Variants in COX16 observed in about 807,000 individuals in gnomAD.
COX16 encodes the protein cytochrome c oxidase assembly factor COX16.
COX16 carries 12 observed loss-of-function variants against 15.4 expected under a neutral mutation model. The ratio of observed to expected loss-of-function variants is 0.78; its 90% confidence interval spans 0.50 to 1.26. The LOEUF (loss-of-function observed/expected upper bound fraction) is 1.26, where lower values mean the gene tolerates loss of function less well. COX16 is among the 50% of genes most tolerant of loss of function. The pLI is 0.00. For missense variants in COX16, 124 were observed against 127.6 expected (o/e 0.97, Z 0.14); for synonymous variants, 46 against 41.1 (o/e 1.12, Z -0.46).
chr14:70,333,459 G>A (rs1886353234), intron 2 of COX16, among the ~76,000 whole-genome samples: 1 of 152,072 alleles, frequency 6.6e-6, no homozygotes, highest in Admixed American at 6.5e-5. Context: ...GCACTACAAA[G>A]CATCAACAGA....
At chr14:70,327,229 C>G (rs2140669703) in intron 3 of COX16, among the ~76,000 whole-genome samples, 1 of 152,262 alleles carries the variant, frequency 6.6e-6, no homozygotes, top group East Asian at 1.9e-4. Context: ...TACCTTGACA[C>G]TTGGATACTA....
intron 1 of COX16, among the ~76,000 whole-genome samples, chr14:70,350,597 C>T (rs1240529483): frequency 6.6e-6 from 1 of 152,202 alleles, no homozygotes; most frequent in Non-Finnish European, 1.5e-5. Context: ...ACTGTCATTG[C>T]ATTTATAAAT....
rs1886050478 is a variant in COX16, at chr14:70,325,823, A to T, written c.*510T>A. On this transcript the variant is annotated 3_prime_UTR_variant, in exon 4 of 4. Coordinates refer to ENST00000389912, the MANE Select transcript of COX16 (RefSeq NM_016468.7). ...TGATGCTTTGGAGACTGATTATCAT[A>T]CTATGTGAGGCATTACAAAGAAAAT... 1 of 152,238 alleles carries T rather than the reference A, an allele frequency of 6.6e-6. No individual in the cohort carries two copies. The highest frequency in any genetic ancestry group is 1.5e-5 in the Non-Finnish European group (1 of 68,064). The allele number at this position is 152,238 out of a possible 1,614,324, so 9.4% of individuals were successfully genotyped here. A position where few individuals can be genotyped will look rare whatever the true frequency, so the allele number is the denominator to read the frequency against.
intron 2 of COX16, among the ~76,000 whole-genome samples, chr14:70,332,677 C>T (rs1052516517): frequency 1.3e-5 from 2 of 152,180 alleles, no homozygotes; most frequent in Admixed American, 6.5e-5. Flanking sequence ...AGTTGAGGAA[C>T]TACCCCACTG....
intron 2 of COX16, among the ~76,000 whole-genome samples, chr14:70,339,857 GT>G (rs1566600849): frequency 6.6e-6 from 1 of 152,040 alleles, no homozygotes; most frequent in Non-Finnish European, 1.5e-5. Context: ...CCTCAACCAT[GT>G]CCTCTCATCT....
chr14:70,340,331 T>C (rs1482888108), intron 2 of COX16, among the ~76,000 whole-genome samples: 1 of 152,180 alleles, frequency 6.6e-6, no homozygotes, highest in African/African-American at 2.4e-5. Flanking sequence ...CTTGTGAAAC[T>C]GTAAGTCAAT....
chr14:70,356,902 A>G (rs1376563193), intron 1 of COX16, among the ~76,000 whole-genome samples: 1 of 152,108 alleles, frequency 6.6e-6, no homozygotes, highest in Admixed American at 6.5e-5. Flanking sequence ...TGGCATTTTT[A>G]ATTTGTCATA....
rs201930554 is a variant in COX16, at chr14:70,329,255, A to G, written c.142-19T>C. 2.0e-4 allele frequency: 321 copies of G among 1,589,758 alleles called. 1 individual carries two copies. In the East Asian group the frequency reaches 3.7e-3, roughly 18 times the overall value. The stretch of plus-strand genomic sequence containing the variant: ...GATCCATCTGTAGAAAAGGAAAAAA[A>G]GTAATAAGTTATCTAAGTCTGTTTG... On this transcript the variant is annotated intron_variant, in intron 2 of 3. Coordinates refer to ENST00000389912, the MANE Select transcript of COX16 (RefSeq NM_016468.7).
At position 70,352,948 on chromosome 14, in the gene COX16, C is replaced by T. The variant is rs1004722650; in HGVS notation, c.69+6571G>A. On this transcript the variant is annotated intron_variant, in intron 1 of 3. Coordinates refer to ENST00000389912, the MANE Select transcript of COX16 (RefSeq NM_016468.7). ...AGTATGTGGTAACCTTAAAAGATCC[C>T]CAAGTTGTCATTGCTACTTTATCAT... 2.0e-5 allele frequency among the ~76,000 whole-genome samples: 3 copies of T among 151,878 alleles called. No homozygotes were observed. The East Asian group carries it at 5.8e-4, about 29-fold the overall frequency.
At chr14:70,344,137 A>G (rs1886705604) in intron 1 of COX16, among the ~76,000 whole-genome samples, 1 of 152,206 alleles carries the variant, frequency 6.6e-6, no homozygotes, top group African/African-American at 2.4e-5. Flanking sequence ...AGGGTCTGCA[A>G]AATATCTCAA....
intron 1 of COX16, 113 bp from the exon 2 acceptor site, chr14:70,342,842 A>G: frequency 2.7e-6 from 3 of 1,126,978 alleles, no homozygotes; most frequent in South Asian, 3.1e-5. Flanking sequence ...CAAAAATTCT[A>G]TAGATTATTT....
rs374454083 is a variant in COX16 at position 70,347,664 on chromosome 14, ACTT to A, written c.70-4938_70-4936del. Among the ~76,000 whole-genome samples, 722 of 152,164 alleles carry A rather than the reference ACTT, an allele frequency of 4.7e-3. 9 individuals are homozygous for A. The highest frequency in any genetic ancestry group is 0.016 in the African/African-American group (654 of 41,504). On this transcript the variant is annotated intron_variant, in intron 1 of 3. Transcript: ENST00000389912. ...CGCCCATGCTATCTCTCTCTTTTAA[ACTT>A]CTTGGCAGAACGGAGGTATCGGGTC...
At chr14:70,341,204 G>A (rs1205037600) in intron 2 of COX16, among the ~76,000 whole-genome samples, 8 of 152,124 alleles carry the variant, frequency 5.3e-5, no homozygotes, top group African/African-American at 1.2e-4. Context: ...CAGTTAAATT[G>A]AAAGTTGCTA....
At chr14:70,358,371 A>T (rs908037499) in intron 1 of COX16, among the ~76,000 whole-genome samples, 47 of 94,074 alleles carry the variant, frequency 5.0e-4, no homozygotes, top group Admixed American at 2.4e-3. Flanking sequence ...AAAAACAACA[A>T]TTTTTTTTTT....
intron 3 of COX16, 83 bp from the exon 4 acceptor site, chr14:70,326,532 A>C: frequency 1.1e-5 from 11 of 1,015,792 alleles, no homozygotes; most frequent in Non-Finnish European, 1.5e-5. Flanking sequence ...CTCAATGAAT[A>C]AATGAGTAGA....
At chr14:70,332,422 C>T (rs1392735748) in intron 2 of COX16, among the ~76,000 whole-genome samples, 1 of 152,082 alleles carries the variant, frequency 6.6e-6, no homozygotes, top group Non-Finnish European at 1.5e-5. Flanking sequence ...GCAGGATCCT[C>T]CAGGGAGACA....
chr14:70,357,025 C>T (rs1034312204), intron 1 of COX16, among the ~76,000 whole-genome samples: 2 of 151,930 alleles, frequency 1.3e-5, no homozygotes, highest in East Asian at 1.9e-4. Flanking sequence ...CTCTTTAAAA[C>T]ACCATTCTGT....
At chr14:70,342,024 G>A (rs1159441079) in intron 2 of COX16, among the ~76,000 whole-genome samples, 1 of 152,100 alleles carries the variant, frequency 6.6e-6, no homozygotes. Flanking sequence ...ATTAAATTAA[G>A]AGAAATAAAA....
chr14:70,329,260 T>C, intron 2 of COX16, 24 bp from the exon 3 acceptor site: 1 of 1,586,326 alleles, frequency 6.3e-7, no homozygotes, highest in African/African-American at 1.4e-5. Context: ...AAAAAAGTAA[T>C]AAGTTATCTA....
Sources: allele counts gnomAD v4.1 joint callset (sites outside exome capture counted in the v4.1 genomes callset), GRCh38; gene constraint gnomAD v4.1.1; transcripts MANE v1.5; gene names NCBI Gene and HGNC (gene_info 2026-07-23, HGNC 2026-07-21).